Variants in TSHZ2 observed in about 807,000 individuals in gnomAD.
TSHZ2 encodes the protein teashirt homolog 2.
TSHZ2 carries 21 observed loss-of-function variants against 74.4 expected under a neutral mutation model. The ratio of observed to expected loss-of-function variants is 0.28; its 90% CI spans 0.20 to 0.41. TSHZ2 has a LOEUF of 0.41. Among genes scored for constraint, TSHZ2 ranks in the 10% least tolerant of loss-of-function variants. The probability of loss-of-function intolerance (pLI) is 1.00; values close to 1 mark genes in which losing one functional copy is unlikely to be tolerated. For missense variants in TSHZ2, 1,244 were observed against 1,293.5 expected, an observed-to-expected ratio of 0.96 and a Z score of 0.59; for synonymous variants, 540 against 515.3, an observed-to-expected ratio of 1.05 and a Z score of -0.65.
chr20:53,124,655 T>C (rs1341162587), intron 1 of TSHZ2, among the ~76,000 whole-genome samples: 1 of 152,254 alleles, frequency 6.6e-6, no homozygotes, highest in Admixed American at 6.5e-5. Flanking sequence ...AAAGATTTTC[T>C]GAACCTTTGT....
At chr20:53,312,698 C>T (rs1376360014) in intron 2 of TSHZ2, among the ~76,000 whole-genome samples, 1 of 152,112 alleles carries the variant, frequency 6.6e-6, no homozygotes, top group Admixed American at 6.6e-5. Flanking sequence ...TAAGGGCCTG[C>T]AGGTGGCAAG....
chr20:53,322,551 G>A lies in TSHZ2; in HGVS notation c.*8+65980G>A, dbSNP rs150158299. Reference sequence around the variant, plus strand: ...AAAAAAAAAACATGACTTTAGTCCCGCTCTTCTGTTCTCATTCCCCATGAT... The same window carrying A: ...AAAAAAAAAACATGACTTTAGTCCCACTCTTCTGTTCTCATTCCCCATGAT... On this transcript the variant is annotated intron_variant, in intron 2 of 2. Coordinates refer to ENST00000371497, the MANE Select transcript of TSHZ2 (RefSeq NM_173485.6). Among the ~76,000 whole-genome samples, 156 of 151,116 alleles carry A rather than the reference G, an allele frequency of 1.0e-3. 3 individuals carry two copies. The East Asian group carries it at 0.018, about 17-fold the overall frequency.
At chr20:53,269,454 G>T (rs998825662) in intron 2 of TSHZ2, among the ~76,000 whole-genome samples, 1 of 152,116 alleles carries the variant, frequency 6.6e-6, no homozygotes, top group African/African-American at 2.4e-5. Context: ...CCTGCCACCA[G>T]CCACCTTGCA....
chr20:53,365,633 G>A (rs777626535), intron 2 of TSHZ2, among the ~76,000 whole-genome samples: 8 of 152,222 alleles, frequency 5.3e-5, no homozygotes, highest in Admixed American at 5.2e-4. Flanking sequence ...TCAGGTGACA[G>A]GCAGTGGTCA....
chr20:53,435,512 T>A (rs749884222), intron 2 of TSHZ2, among the ~76,000 whole-genome samples: 15 of 152,220 alleles, frequency 9.9e-5, no homozygotes, highest in South Asian at 2.1e-4. Flanking sequence ...GAACTTTTTT[T>A]AAATTAATTT....
Position 53,373,261 on chromosome 20 carries a change from A to G in TSHZ2, c.*9-113883A>G, listed in dbSNP as rs147485661. Among the ~76,000 whole-genome samples, 638 of 152,360 alleles carry G rather than the reference A, an allele frequency of 4.2e-3. 5 individuals carry two copies. Among genetic ancestry groups the G allele is most frequent in the Non-Finnish European group, 7.3e-3 (494 of 68,026 alleles). ...GGTTTGGTATTTATTCTTATAGCACATCAATTTAAAATCACCCTCTGTGCT... is the reference window on the plus strand; with the variant it reads ...GGTTTGGTATTTATTCTTATAGCACGTCAATTTAAAATCACCCTCTGTGCT... On this transcript the variant is annotated intron_variant, in intron 2 of 2. Transcript: ENST00000371497.
chr20:53,247,678 G>A (rs763089030), intron 1 of TSHZ2, among the ~76,000 whole-genome samples: 2 of 152,084 alleles, frequency 1.3e-5, no homozygotes, highest in Non-Finnish European at 2.9e-5. Flanking sequence ...CCTCATTTAC[G>A]TCTGCCTTGA....
In TSHZ2 at chr20:53,255,240, G is replaced by A. The variant is rs1338257135; in HGVS notation, c.1782G>A (p.Leu594=). The A allele has an allele frequency of 1.9e-6, 3 of 1,614,152 alleles. No individual in the cohort carries two copies. Among genetic ancestry groups the A allele is most frequent in the Non-Finnish European group, 2.5e-6 (3 of 1,180,040 alleles). Reference sequence around the variant, plus strand: ...CACTGGTTTCTATGCCCACACACCTGGCCCCTTACACTCAAGTCAAGAAAG... The same window carrying A: ...CACTGGTTTCTATGCCCACACACCTAGCCCCTTACACTCAAGTCAAGAAAG... ...VMPLVSMPTH[L]APYTQVKKES... The change falls in exon 2 of 3, where the codon CTG becomes CTA. Residue 594 remains leucine (L), a synonymous_variant. Transcript: ENST00000371497. The surrounding 1 kb of genome is among the most constrained non-coding windows in gnomAD (Gnocchi z 4.1).
At chr20:53,353,810 A>G (rs1174658114) in intron 2 of TSHZ2, among the ~76,000 whole-genome samples, 1 of 152,256 alleles carries the variant, frequency 6.6e-6, no homozygotes, top group Non-Finnish European at 1.5e-5. Flanking sequence ...AAATCATTTT[A>G]GACCAATATG....
intron 1 of TSHZ2, among the ~76,000 whole-genome samples, chr20:53,168,233 C>T (rs140734227): frequency 1.7e-4 from 26 of 152,264 alleles, no homozygotes; most frequent in Non-Finnish European, 3.1e-4. Flanking sequence ...TCCTGTATAT[C>T]GTCGGACGTG....
chr20:53,026,121 A>G (rs764178976), intron 1 of TSHZ2, among the ~76,000 whole-genome samples: 1 of 152,022 alleles, frequency 6.6e-6, no homozygotes, highest in African/African-American at 2.4e-5. Flanking sequence ...TTCCCAACAC[A>G]CACACATACA....
At chr20:53,004,376 G>C (rs1375459673) in intron 1 of TSHZ2, among the ~76,000 whole-genome samples, 1 of 152,140 alleles carries the variant, frequency 6.6e-6, no homozygotes, top group African/African-American at 2.4e-5. Flanking sequence ...GCTGAAATCG[G>C]TCAAGCTTCC....
chr20:53,267,417 C>T (rs1031245093), intron 2 of TSHZ2, among the ~76,000 whole-genome samples: 7 of 152,202 alleles, frequency 4.6e-5, no homozygotes, highest in Admixed American at 3.9e-4. Context: ...AATATTTCAG[C>T]CTCTGCTCAG....
chr20:53,191,209 A>C (rs998984809), intron 1 of TSHZ2, among the ~76,000 whole-genome samples: 1 of 152,206 alleles, frequency 6.6e-6, no homozygotes, highest in Non-Finnish European at 1.5e-5. Context: ...TTGTATATGT[A>C]ATGTATATGA....
In TSHZ2 at chr20:53,265,596, G is replaced by C. The variant is rs370131772; in HGVS notation, c.*8+9025G>C. Among the ~76,000 whole-genome samples the C allele has an allele frequency of 2.6e-3, 395 of 152,294 alleles. 3 individuals are homozygous for C. The highest frequency in any genetic ancestry group is 8.1e-3 in the African/African-American group (337 of 41,566). On this transcript the variant is annotated intron_variant, in intron 2 of 2. Coordinates refer to ENST00000371497, the MANE Select transcript of TSHZ2 (RefSeq NM_173485.6). ...TATAATAGGCGCCATGGCAGTAAAT[G>C]CCACCTCCCTGGCTCCCTCGGGGAA...
intron 2 of TSHZ2, among the ~76,000 whole-genome samples, chr20:53,275,625 G>A (rs1990929346): frequency 6.6e-6 from 1 of 152,150 alleles, no homozygotes; most frequent in African/African-American, 2.4e-5. Flanking sequence ...GGAAGCAATG[G>A]TTAAAACTGT....
At chr20:53,209,569 C>T (rs180840549) in intron 1 of TSHZ2, among the ~76,000 whole-genome samples, 5 of 152,220 alleles carry the variant, frequency 3.3e-5, no homozygotes, top group Admixed American at 1.3e-4. Flanking sequence ...ACTATCTAGC[C>T]GTAAAAAAGA....
In TSHZ2 at chr20:53,340,184, C is replaced by CTTT. The variant is rs557613827; in HGVS notation, c.*8+83627_*8+83629dup. On this transcript the variant is annotated intron_variant, in intron 2 of 2. Coordinates refer to ENST00000371497, the MANE Select transcript of TSHZ2 (RefSeq NM_173485.6). Reference sequence around the variant, plus strand: ...ACAAGGTGACTTTTCTTTCTTTTTTCTTTTTTTTTTTTTTTTGAGATGGAG... The same window carrying CTTT: ...ACAAGGTGACTTTTCTTTCTTTTTTCTTTTTTTTTTTTTTTTTTTGAGATGGAG... Among the ~76,000 whole-genome samples, 56 of 109,874 alleles carry CTTT rather than the reference C, an allele frequency of 5.1e-4. 2 individuals carry two copies. Among genetic ancestry groups the CTTT allele is most frequent in the Admixed American group, 1.5e-3 (14 of 9,042 alleles). The allele number at this position is 109,874 out of a possible 152,430, so 72.1% of individuals were successfully genotyped here. A position where few individuals can be genotyped will look rare whatever the true frequency, so the allele number is the denominator to read the frequency against.
chr20:53,040,152 C>A (rs1301827575), intron 1 of TSHZ2, among the ~76,000 whole-genome samples: 2 of 152,130 alleles, frequency 1.3e-5, no homozygotes, highest in Non-Finnish European at 2.9e-5. Context: ...GGGAGAGATG[C>A]ACAGTGGTGG....
Sources: gnomAD v4.1 joint callset for allele counts (sites outside exome capture counted in the v4.1 genomes callset) on GRCh38, gnomAD v4.1.1 for gene constraint, Gnocchi (gnomAD v3.1) non-coding constraint, MANE v1.5 for transcripts, NCBI Gene and HGNC (gene_info 2026-07-23, HGNC 2026-07-21) for gene names.